Variants in CACNG3 observed in about 807,000 individuals in gnomAD.
The protein encoded by CACNG3 is voltage-dependent calcium channel gamma-3 subunit.
A neutral mutation model predicts 28.5 loss-of-function variants in CACNG3; 3 were observed. The observed-to-expected ratio is 0.11, with a 90% confidence interval of 0.05 to 0.27. The LOEUF is 0.27. Among genes scored for constraint, CACNG3 ranks in the 10% least tolerant of loss-of-function variants. The pLI, the probability that CACNG3 is intolerant of heterozygous loss-of-function variation, is 1.00. For synonymous variants in CACNG3, 174 were observed against 162.2 expected (o/e 1.07, Z -0.55); for missense variants, 236 against 414.4 (o/e 0.57, Z 3.74).
At chr16:24,324,818 A>G (rs1899518589) in intron 1 of CACNG3, among the ~76,000 whole-genome samples, 1 of 151,892 alleles carries the variant, frequency 6.6e-6, no homozygotes, top group Admixed American at 6.6e-5. Context: ...ATGCTACTAC[A>G]AGGCCAGCCC....
chr16:24,351,637 G>GGGAAGGGGAGGGAAA, intron 2 of CACNG3, among the ~76,000 whole-genome samples: 1 of 125,140 alleles, frequency 8.0e-6, no homozygotes, highest in African/African-American at 3.6e-5. Flanking sequence ...GAAGGGGAAG[G>GGGAAGGGGAGGGAAA]GGAAGGGGAG....
At chr16:24,303,307 T>TGGTTGGCTTCATC (rs1899139017) in intron 1 of CACNG3, among the ~76,000 whole-genome samples, 1 of 152,250 alleles carries the variant, frequency 6.6e-6, no homozygotes. Context: ...GGTCTTCTCA[T>TGGTTGGCTTCATC]GGTTGGCTTC....
At chr16:24,275,327 C>T (rs1038219776) in intron 1 of CACNG3, among the ~76,000 whole-genome samples, 79 of 152,274 alleles carry the variant, frequency 5.2e-4, no homozygotes, top group African/African-American at 1.9e-3. Context: ...TTGTATTCAT[C>T]ACCACTCACT....
At chr16:24,306,058 T>C (rs530913547) in intron 1 of CACNG3, among the ~76,000 whole-genome samples, 1 of 152,260 alleles carries the variant, frequency 6.6e-6, no homozygotes, top group East Asian at 1.9e-4. Flanking sequence ...ACAGGCACTT[T>C]TACCGGAAGT....
At chr16:24,317,976 T>C in intron 1 of CACNG3, among the ~76,000 whole-genome samples, 1 of 152,200 alleles carries the variant, frequency 6.6e-6, no homozygotes, top group Non-Finnish European at 1.5e-5. Flanking sequence ...TGGCTGCTCA[T>C]GCTTGGCATT....
chr16:24,317,606 G>GAAATAAAGGA (rs1555460535), intron 1 of CACNG3, among the ~76,000 whole-genome samples: 1 of 66,032 alleles, frequency 1.5e-5, no homozygotes, highest in African/African-American at 6.9e-5. Context: ...AAGAAAGAAA[G>GAAATAAAGGA]AAAGAAAGAA....
In CACNG3 at chr16:24,271,305, A is replaced by T. The variant is rs971812236; in HGVS notation, c.211+14340A>T. Among the ~76,000 whole-genome samples, 7 of 152,216 alleles carry T rather than the reference A, an allele frequency of 4.6e-5. 1 individual carries two copies. The highest frequency in any genetic ancestry group is 3.9e-4 in the Admixed American group (6 of 15,288). ...TGCAGTGAAGTAGCACCTCATTAGC[A>T]CTGTCTTCCTTCTTTCACTGAAGAC... On this transcript the variant is annotated intron_variant, in intron 1 of 3. Transcript: ENST00000005284.
intron 1 of CACNG3, among the ~76,000 whole-genome samples, chr16:24,338,593 C>T (rs898474005): frequency 2.0e-5 from 3 of 152,206 alleles, no homozygotes; most frequent in Non-Finnish European, 4.4e-5. Flanking sequence ...GATCTGCCTG[C>T]CTCGGCCTCC....
intron 2 of CACNG3, among the ~76,000 whole-genome samples, chr16:24,353,265 A>G (rs1899981600): frequency 6.6e-6 from 1 of 152,174 alleles, no homozygotes; most frequent in African/African-American, 2.4e-5. Context: ...TTGAGCCACC[A>G]TGCCTGGCTA....
intron 1 of CACNG3, among the ~76,000 whole-genome samples, chr16:24,339,035 G>A (rs1032690217): frequency 6.6e-6 from 1 of 152,122 alleles, no homozygotes; most frequent in African/African-American, 2.4e-5. Context: ...TTCACTCCAC[G>A]TGCAGTTAAC....
intron 1 of CACNG3, among the ~76,000 whole-genome samples, chr16:24,331,014 TTCTCTCTGTCTC>T (rs1371412508): frequency 6.6e-6 from 1 of 152,152 alleles, no homozygotes; most frequent in East Asian, 1.9e-4. Flanking sequence ...ATAGTTGTCA[TTCTCTCTGTCTC>T]TCTCTCTCTC....
rs1158587996 is a variant in CACNG3 at position 24,317,648 on chromosome 16, A to AAAAGAAAGAAAGAAAG, written c.212-29034_212-29019dup. Among the ~76,000 whole-genome samples the AAAAGAAAGAAAGAAAG allele has an allele frequency of 3.4e-3, 191 of 55,642 alleles. 5 individuals carry two copies. Among genetic ancestry groups the AAAAGAAAGAAAGAAAG allele is most frequent in the Middle Eastern group, 8.1e-3 (1 of 124 alleles). The allele number at this position is 55,642 out of a possible 152,430, so 36.5% of individuals were successfully genotyped here. A position where few individuals can be genotyped will look rare whatever the true frequency, so the allele number is the denominator to read the frequency against. On this transcript the variant is annotated intron_variant, in intron 1 of 3. Coordinates refer to ENST00000005284, the MANE Select transcript of CACNG3 (RefSeq NM_006539.4). Reference sequence around the variant, plus strand: ...AAAGACAGACAGAAAGAAAGAAAAGAAAAGAAAGAAAGAAAGAAAGAAAGA... The same window carrying AAAAGAAAGAAAGAAAG: ...AAAGACAGACAGAAAGAAAGAAAAGAAAAGAAAGAAAGAAAGAAAGAAAGAAAGAAAGAAAGAAAGA...
rs149160648 is a variant in CACNG3 at position 24,300,053 on chromosome 16, A to G, written c.211+43088A>G. Among the ~76,000 whole-genome samples the G allele has an allele frequency of 1.5e-4, 23 of 152,302 alleles. No homozygotes were observed. In the East Asian group the frequency reaches 4.0e-3, roughly 27 times the overall value. On this transcript the variant is annotated intron_variant, in intron 1 of 3. Transcript: ENST00000005284. ...CTTGAAGGGATCAAAACCTGAAAGT[A>G]CTGTCTGTACAAATCACCCACTTTG...
intron 1 of CACNG3, among the ~76,000 whole-genome samples, chr16:24,325,581 T>C (rs917069126): frequency 1.3e-5 from 2 of 152,242 alleles, no homozygotes; most frequent in African/African-American, 4.8e-5. Context: ...AGGTGCCCAG[T>C]ACTGTTATGC....
At chr16:24,345,696 G>A (rs887197747) in intron 1 of CACNG3, among the ~76,000 whole-genome samples, 1 of 152,168 alleles carries the variant, frequency 6.6e-6, no homozygotes, top group Admixed American at 6.5e-5. Context: ...GAGAAACTCT[G>A]TCTCAAACAA....
chr16:24,297,616 C>G (rs1267973713), intron 1 of CACNG3, among the ~76,000 whole-genome samples: 1 of 152,180 alleles, frequency 6.6e-6, no homozygotes, highest in African/African-American at 2.4e-5. Flanking sequence ...ATAGCCTGAG[C>G]AAACAGAGAG....
chr16:24,361,660 C>G lies in CACNG3; in HGVS notation c.745C>G (p.Pro249Ala), dbSNP rs760977685. The change falls in exon 4 of 4, where the codon CCC becomes GCC. Residue 249 changes from proline to alanine, a missense_variant. Pro to Ala is a conservative substitution (Grantham distance 27). Coordinates refer to ENST00000005284, the MANE Select transcript of CACNG3 (RefSeq NM_006539.4). The surrounding 1 kb of genome is among the most constrained non-coding windows in gnomAD (Gnocchi z 6.8). ...STEPRSRDLS[P>A]ISKGFHTIPS... Reference sequence around the variant, plus strand: ...CGAGCCCAGATCCCGAGACCTGTCCCCCATCAGCAAAGGCTTCCACACCAT... The same window carrying G: ...CGAGCCCAGATCCCGAGACCTGTCCGCCATCAGCAAAGGCTTCCACACCAT... 1 of 1,613,998 alleles carries G rather than the reference C, an allele frequency of 6.2e-7. No individual in the cohort carries two copies. The highest frequency in any genetic ancestry group is 1.1e-5 in the South Asian group (1 of 91,044).
rs552435994 is a variant in CACNG3 at position 24,258,931 on chromosome 16, T to C, written c.211+1966T>C. 3.3e-5 allele frequency among the ~76,000 whole-genome samples: 5 copies of C among 152,330 alleles called. No individual in the cohort carries two copies. In the East Asian group the frequency reaches 9.6e-4, roughly 29 times the overall value. On this transcript the variant is annotated intron_variant, in intron 1 of 3. Transcript: ENST00000005284. ...TAAGAGCAGAGGTAGGACCTAAAAT[T>C]TCTAAACACTTGCTAAGAATTTCTC...
chr16:24,276,519 A>G (rs767187558), intron 1 of CACNG3, among the ~76,000 whole-genome samples: 19 of 152,228 alleles, frequency 1.2e-4, no homozygotes, highest in Non-Finnish European at 2.5e-4. Context: ...AGCTATTTCC[A>G]TACTTTCATC....
Sources: allele counts gnomAD v4.1 joint callset (sites outside exome capture counted in the v4.1 genomes callset), GRCh38; gene constraint gnomAD v4.1.1; non-coding constraint Gnocchi (gnomAD v3.1); transcripts MANE v1.5; gene names NCBI Gene and HGNC (gene_info 2026-07-23, HGNC 2026-07-21).